The following PREX2 variants were observed in gnomAD, a reference collection of about 807,000 sequenced individuals.
PREX2 encodes phosphatidylinositol-3,4,5-trisphosphate dependent Rac exchange factor 2, also known as phosphatidylinositol 3,4,5-trisphosphate-dependent Rac exchanger 2 protein.
In PREX2, 107 loss-of-function variants were observed where a neutral mutation model predicts 203.2. The observed-to-expected ratio is 0.53, with a 90% CI of 0.45 to 0.62. The LOEUF is 0.62. PREX2 is among the 20% of genes least tolerant of loss of function. The probability of loss-of-function intolerance (pLI) is 0.00; values close to 1 mark genes in which losing one functional copy is unlikely to be tolerated. For synonymous variants in PREX2, 672 were observed against 663.6 expected (o/e 1.01, Z -0.19); for missense variants, 1,777 against 1,955.9 (o/e 0.91, Z 1.72).
intron 10 of PREX2, among the ~76,000 whole-genome samples, chr8:68,056,766 C>T (rs1328992096): frequency 6.6e-6 from 1 of 152,154 alleles, no homozygotes; most frequent in Non-Finnish European, 1.5e-5. Flanking sequence ...TTAGTGAATA[C>T]CAATGCCCAA....
At chr8:67,952,569 G>T in intron 1 of PREX2, 34 bp downstream of exon 1, 1 of 1,590,888 alleles carries the variant, frequency 6.3e-7, no homozygotes. Context: ...GGGGACGTCC[G>T]GGCGGCGCGG....
intron 13 of PREX2, among the ~76,000 whole-genome samples, chr8:68,070,252 A>G (rs1351979440): frequency 6.6e-6 from 1 of 151,790 alleles, no homozygotes; most frequent in African/African-American, 2.4e-5. Flanking sequence ...AACTTTCTAC[A>G]TTAAATTGTA....
intron 4 of PREX2, among the ~76,000 whole-genome samples, chr8:68,024,217 A>G (rs1214039449): frequency 6.6e-6 from 1 of 152,060 alleles, no homozygotes; most frequent in Admixed American, 6.6e-5. Context: ...TGCATTGACA[A>G]TGCTATGAAT....
chr8:67,980,450 A>T (rs902828189), intron 1 of PREX2, among the ~76,000 whole-genome samples: 7 of 143,330 alleles, frequency 4.9e-5, no homozygotes, highest in Admixed American at 7.3e-5. Context: ...TGCAAAATGG[A>T]GGGGGAAGGG....
chr8:68,137,903 G>A (rs369908968), intron 32 of PREX2, among the ~76,000 whole-genome samples: 2 of 152,212 alleles, frequency 1.3e-5, no homozygotes, highest in African/African-American at 2.4e-5. Flanking sequence ...TCCCAAGCTC[G>A]TTGGAAGCCA....
Position 68,234,728 on chromosome 8 carries a change from C to G in PREX2, c.*3350C>G, listed in dbSNP as rs888942754. Reference sequence around the variant, plus strand: ...CATACTGTTTTCTGTCTCTTTAAAACACATTCTTCTGGTGGCTTGGGTTCA... The same window carrying G: ...CATACTGTTTTCTGTCTCTTTAAAAGACATTCTTCTGGTGGCTTGGGTTCA... On this transcript the variant is annotated 3_prime_UTR_variant, in exon 40 of 40. Coordinates refer to ENST00000288368, the MANE Select transcript of PREX2 (RefSeq NM_024870.4). The G allele has an allele frequency of 2.6e-5, 4 of 152,074 alleles. No homozygotes were observed. The highest frequency in any genetic ancestry group is 9.7e-5 in the African/African-American group (4 of 41,436). 9.4% of individuals were successfully genotyped at this position (152,074 alleles called of 1,614,324 possible). A position where few individuals can be genotyped will look rare whatever the true frequency, so the allele number is the denominator to read the frequency against.
chr8:68,233,823 T>G lies in PREX2; in HGVS notation c.*2445T>G, dbSNP rs953121448. ...AAATTTGAACCCAGGAAGTCTGCCTTCTTAATGCATTATGCTACTTTTCCT... is the reference window on the plus strand; with the variant it reads ...AAATTTGAACCCAGGAAGTCTGCCTGCTTAATGCATTATGCTACTTTTCCT... On this transcript the variant is annotated 3_prime_UTR_variant, in exon 40 of 40. Transcript: ENST00000288368. The G allele has an allele frequency of 6.6e-6, 1 of 152,188 alleles. No homozygotes were observed. Among genetic ancestry groups the G allele is most frequent in the African/African-American group, 2.4e-5 (1 of 41,452 alleles). The allele number at this position is 152,188 out of a possible 1,614,324, so 9.4% of individuals were successfully genotyped here. A position where few individuals can be genotyped will look rare whatever the true frequency, so the allele number is the denominator to read the frequency against.
chr8:68,081,829 G>A (rs1469500856), intron 17 of PREX2, among the ~76,000 whole-genome samples: 6 of 151,624 alleles, frequency 4.0e-5, no homozygotes, highest in Non-Finnish European at 5.9e-5. Context: ...AGAGTAGCTG[G>A]GATTACAGGC....
At chr8:68,145,450 A>G (rs1468915795) in intron 33 of PREX2, among the ~76,000 whole-genome samples, 1 of 152,194 alleles carries the variant, frequency 6.6e-6, no homozygotes, top group East Asian at 1.9e-4. Flanking sequence ...TGAGTGAGGA[A>G]CATGTATTAA....
In PREX2 at chr8:68,083,312, G is replaced by A; in HGVS notation, c.1951G>A (p.Glu651Lys). 6.2e-7 allele frequency: 1 copy of A among 1,611,154 alleles called. No individual in the cohort carries two copies. The highest frequency in any genetic ancestry group is 8.5e-7 in the Non-Finnish European group (1 of 1,177,896). The change falls in exon 18 of 40, where the codon GAA (glutamate) becomes AAA (lysine). Residue 651 changes from glutamate (E) to lysine (K), a missense_variant. By Grantham distance (56) the Glu-to-Lys change is moderately conservative. Transcript: ENST00000288368. ...GDLVFMRPFN[E>K]VDCFLKSCLN... ...CCTAGTTTTTATGAGACCTTTCAAT[G>A]AAGTGGATTGCTTCCTGAAATCGTG...
intron 15 of PREX2, among the ~76,000 whole-genome samples, chr8:68,078,151 G>A (rs1809403769): frequency 6.6e-6 from 1 of 152,000 alleles, no homozygotes; most frequent in Non-Finnish European, 1.5e-5. Flanking sequence ...CCAAACAGTA[G>A]TCTCTCTCTT....
At chr8:68,083,676 A>G (rs140210449) in intron 18 of PREX2, among the ~76,000 whole-genome samples, 2 of 152,298 alleles carry the variant, frequency 1.3e-5, no homozygotes, top group South Asian at 2.1e-4. Context: ...AGTGAAGAAA[A>G]CTAGTAGAAC....
intron 1 of PREX2, among the ~76,000 whole-genome samples, chr8:68,014,866 C>T (rs1226129350): frequency 2.0e-5 from 3 of 152,136 alleles, no homozygotes; most frequent in African/African-American, 7.2e-5. Context: ...ATTTCTGGGT[C>T]CTAAATTAAT....
At chr8:68,078,685 T>G (rs949544915) in intron 15 of PREX2, among the ~76,000 whole-genome samples, 5 of 152,190 alleles carry the variant, frequency 3.3e-5, no homozygotes, top group African/African-American at 9.7e-5. Flanking sequence ...TGGAGAAATA[T>G]TGGTCCTTGA....
At chr8:68,066,807 C>G (rs1258405684) in intron 11 of PREX2, among the ~76,000 whole-genome samples, 1 of 152,084 alleles carries the variant, frequency 6.6e-6, no homozygotes, top group African/African-American at 2.4e-5. Context: ...ATTGCCAAGA[C>G]AAATGTCAAG....
In PREX2 at chr8:68,115,853, A is replaced by G. The variant is rs772515879; in HGVS notation, c.3247A>G (p.Lys1083Glu). Residue 1083 changes from lysine to glutamate, a missense_variant, in exon 26 of 40, where the codon AAA becomes GAA. Coordinates refer to ENST00000288368, the MANE Select transcript of PREX2 (RefSeq NM_024870.4). ...CAATGAGAAGGGAGAAAGAAACAGC[A>G]AACGGGTATGTTTTAATGTAGCAGG... is the stretch of plus-strand genomic sequence containing the variant. ...SDNEKGERNS[K>E]RVCFNVAGDE... is the part of the protein sequence containing the mutation. 1 of 1,614,112 alleles carries G rather than the reference A, an allele frequency of 6.2e-7. No individual in the cohort carries two copies.
intron 18 of PREX2, among the ~76,000 whole-genome samples, chr8:68,083,854 T>TA (rs1238330529): frequency 6.6e-6 from 1 of 152,208 alleles, no homozygotes; most frequent in Non-Finnish European, 1.5e-5. Context: ...TCCATTTCTT[T>TA]AAAAAATTCT....
intron 35 of PREX2, among the ~76,000 whole-genome samples, chr8:68,181,538 TC>T (rs1442026939): frequency 1.4e-4 from 21 of 152,240 alleles, no homozygotes; most frequent in South Asian, 2.1e-4. Context: ...GGTTTGTCTT[TC>T]TCAGTCAGCT....
At chr8:68,072,646 A>G in intron 14 of PREX2, 76 bp downstream of exon 14, 1 of 798,310 alleles carries the variant, frequency 1.3e-6, no homozygotes, top group Non-Finnish European at 2.2e-6. Flanking sequence ...TAGGACCTTT[A>G]TTCTTTTTCA....
Sources: allele counts gnomAD v4.1 joint callset (sites outside exome capture counted in the v4.1 genomes callset), GRCh38; gene constraint gnomAD v4.1.1; transcripts MANE v1.5; gene names NCBI Gene and HGNC (gene_info 2026-07-23, HGNC 2026-07-21).